The following MTUS2 variants were observed in gnomAD, a reference collection of about 807,000 sequenced individuals.
MTUS2 encodes microtubule associated scaffold protein 2.
In MTUS2, 40 loss-of-function variants were observed where a neutral mutation model predicts 114.1. The observed-to-expected ratio is 0.35, with a 90% CI of 0.27 to 0.46. The LOEUF (loss-of-function observed/expected upper bound fraction) is 0.46, where lower values mean the gene tolerates loss of function less well. Among genes scored for constraint, MTUS2 ranks in the 20% least tolerant of loss-of-function variants. MTUS2 has a pLI of 1.00. For missense variants in MTUS2, 1,679 were observed against 1,705.4 expected (o/e 0.98, Z 0.27); for synonymous variants, 688 against 672.0 (o/e 1.02, Z -0.37).
Position 29,497,306 on chromosome 13 carries a change from C to T in MTUS2, c.3648C>T (p.Ala1216=), listed in dbSNP as rs1000024531. The T allele has an allele frequency of 1.9e-6, 3 of 1,611,896 alleles. No homozygotes were observed. The African/African-American group carries it at 4.0e-5, about 22-fold the overall frequency. ...LRDRARRFEE[A]LRKNTEEQLE... is the part of the protein sequence containing the mutation. ...ACAGAGCCCGCCGCTTCGAAGAGGC[C>T]TTGAGGAAGAACACAGAGGAGCAGC... The change falls in exon 13 of 16, where the codon GCC becomes GCT. Residue 1216 remains alanine (A), a synonymous_variant. Transcript: ENST00000612955.
intron 4 of MTUS2, among the ~76,000 whole-genome samples, chr13:29,060,613 T>A (rs2138643941): frequency 6.6e-6 from 1 of 151,294 alleles, no homozygotes; most frequent in South Asian, 2.1e-4. Context: ...TTTAATCTGT[T>A]TGTATTTTTC....
At chr13:28,997,333 G>T (rs1175796658) in intron 2 of MTUS2, among the ~76,000 whole-genome samples, 1 of 151,846 alleles carries the variant, frequency 6.6e-6, no homozygotes. Flanking sequence ...ACAATTTTGG[G>T]ATAGGTGTGG....
intron 5 of MTUS2, among the ~76,000 whole-genome samples, chr13:29,171,523 A>T (rs1048731817): frequency 6.6e-6 from 1 of 152,192 alleles, no homozygotes; most frequent in Non-Finnish European, 1.5e-5. Flanking sequence ...TAGACCTATT[A>T]GTAGTGGTGG....
rs562938407 is a variant in MTUS2 at position 28,944,608 on chromosome 13, T to A, written c.-242-79849T>A. Among the ~76,000 whole-genome samples the A allele has an allele frequency of 9.2e-5, 14 of 152,356 alleles. 1 individual carries two copies. The South Asian group carries it at 2.1e-3, about 23-fold the overall frequency. ...TTTCTTATGGTAATGTAACATTGCT[T>A]ATTTATGCCACAACATTTATTAAGT... On this transcript the variant is annotated intron_variant, in intron 2 of 15. Coordinates refer to ENST00000612955, the MANE Select transcript of MTUS2 (RefSeq NM_001033602.4).
At chr13:29,474,470 A>G (rs879906281) in intron 9 of MTUS2, among the ~76,000 whole-genome samples, 23 of 152,240 alleles carry the variant, frequency 1.5e-4, no homozygotes, top group Non-Finnish European at 2.9e-4. Flanking sequence ...AATATATATC[A>G]TGACAGGAAT....
intron 2 of MTUS2, among the ~76,000 whole-genome samples, chr13:29,014,027 C>T (rs964007871): frequency 6.6e-6 from 1 of 152,234 alleles, no homozygotes; most frequent in Non-Finnish European, 1.5e-5. Flanking sequence ...CTTTGTCTTT[C>T]ATTTCCTATT....
chr13:29,039,612 A>C (rs1019393628), intron 4 of MTUS2, among the ~76,000 whole-genome samples: 9 of 152,232 alleles, frequency 5.9e-5, no homozygotes, highest in African/African-American at 1.7e-4. Context: ...CCTGACCTTT[A>C]AAGGTAGAAG....
Position 29,025,178 on chromosome 13 carries a change from G to A in MTUS2, c.480G>A (p.Lys160=), listed in dbSNP as rs977197037. The change falls in exon 3 of 16, where the codon AAG becomes AAA. Residue 160 remains lysine, a synonymous_variant. Coordinates refer to ENST00000612955, the MANE Select transcript of MTUS2 (RefSeq NM_001033602.4). The part of the protein sequence containing the change: ...RDAEIPRHVP[K]DKLAKTLDNE... ...CTGAAATTCCCCGGCATGTTCCCAA[G>A]GATAAACTGGCAAAGACCCTTGACA... 6.2e-7 allele frequency: 1 copy of A among 1,613,980 alleles called. No homozygotes were observed. The highest frequency in any genetic ancestry group is 8.5e-7 in the Non-Finnish European group (1 of 1,179,892).
chr13:29,470,147 A>G (rs1880171105), intron 9 of MTUS2, among the ~76,000 whole-genome samples: 1 of 151,790 alleles, frequency 6.6e-6, no homozygotes, highest in African/African-American at 2.4e-5. Flanking sequence ...CTATTAACCT[A>G]CCCCACCGCA....
intron 2 of MTUS2, among the ~76,000 whole-genome samples, chr13:28,903,210 T>G (rs1230175091): frequency 2.6e-5 from 4 of 152,056 alleles, no homozygotes; most frequent in Admixed American, 6.6e-5. Flanking sequence ...TGAATGAGAG[T>G]TTTGCTGGAT....
intron 2 of MTUS2, among the ~76,000 whole-genome samples, chr13:28,920,275 C>T (rs533253119): frequency 3.9e-5 from 6 of 152,226 alleles, no homozygotes; most frequent in Non-Finnish European, 8.8e-5. Context: ...TTCAAAAGGA[C>T]TTGGGCCTCA....
At chr13:29,441,946 C>G (rs905663069) in intron 9 of MTUS2, among the ~76,000 whole-genome samples, 13 of 152,184 alleles carry the variant, frequency 8.5e-5, no homozygotes, top group Non-Finnish European at 1.5e-4. Context: ...ACCCCCTTCT[C>G]CACTCACCGG....
intron 5 of MTUS2, among the ~76,000 whole-genome samples, chr13:29,178,340 C>T (rs1179485257): frequency 1.3e-5 from 2 of 151,610 alleles, no homozygotes; most frequent in Non-Finnish European, 2.9e-5. Context: ...TTTTTCTCCC[C>T]AGATTTAAAG....
rs139998359 is a variant in MTUS2, at chr13:29,051,679, G to C, written c.2446+17554G>C. Among the ~76,000 whole-genome samples, 571 of 152,338 alleles carry C rather than the reference G, an allele frequency of 3.7e-3. 3 individuals are homozygous for C. Among genetic ancestry groups the C allele is most frequent in the African/African-American group, 0.013 (552 of 41,586 alleles). The stretch of plus-strand genomic sequence containing the variant: ...AAGTGCCTCAAAGAAGCAAAAAATG[G>C]TCAATAATGTTGAATGCCACTGGGC... On this transcript the variant is annotated intron_variant, in intron 4 of 15. Coordinates refer to ENST00000612955, the MANE Select transcript of MTUS2 (RefSeq NM_001033602.4).
chr13:29,150,729 G>C (rs1279563878), intron 5 of MTUS2, among the ~76,000 whole-genome samples: 1 of 152,110 alleles, frequency 6.6e-6, no homozygotes, highest in East Asian at 1.9e-4. Context: ...CTGATATGTA[G>C]TGGTCCAATT....
intron 4 of MTUS2, among the ~76,000 whole-genome samples, chr13:29,054,440 C>G (rs1475413855): frequency 6.6e-6 from 1 of 151,928 alleles, no homozygotes; most frequent in African/African-American, 2.4e-5. Context: ...TTTCATGTAC[C>G]TTACTTAAAT....
chr13:28,840,321 A>C (rs1028226321), intron 2 of MTUS2, among the ~76,000 whole-genome samples: 2 of 152,208 alleles, frequency 1.3e-5, no homozygotes, highest in African/African-American at 4.8e-5. Flanking sequence ...CAGTCCATTA[A>C]ACTAAGAGCA....
intron 5 of MTUS2, among the ~76,000 whole-genome samples, chr13:29,149,530 C>G (rs1892582347): frequency 6.6e-6 from 1 of 152,100 alleles, no homozygotes; most frequent in Non-Finnish European, 1.5e-5. Flanking sequence ...TTAATTAGTT[C>G]CCATTTGTCA....
chr13:29,372,314 A>G (rs1433097315), intron 8 of MTUS2, among the ~76,000 whole-genome samples: 1 of 152,098 alleles, frequency 6.6e-6, no homozygotes, highest in African/African-American at 2.4e-5. Flanking sequence ...CCTCATGCTG[A>G]GATGTCTGAC....
Sources: allele counts gnomAD v4.1 joint callset (sites outside exome capture counted in the v4.1 genomes callset), GRCh38; gene constraint gnomAD v4.1.1; transcripts MANE v1.5; gene names NCBI Gene and HGNC (gene_info 2026-07-23, HGNC 2026-07-21).